The following CREBBP variants were observed in gnomAD, a reference collection of about 807,000 sequenced individuals.
CREBBP encodes CREB binding lysine acetyltransferase, also known as CREB-binding protein.
CREBBP carries 19 observed loss-of-function variants against 265.0 expected under a neutral mutation model. The ratio of observed to expected loss-of-function variants is 0.07; its 90% CI spans 0.05 to 0.11. The LOEUF (loss-of-function observed/expected upper bound fraction) is 0.11. CREBBP is among the 10% of genes least tolerant of loss of function. The pLI is 1.00. For synonymous variants in CREBBP, 1,457 were observed against 1,223.7 expected, an observed-to-expected ratio of 1.19 and a Z score of -3.98; for missense variants, 2,525 against 3,219.0, an observed-to-expected ratio of 0.78 and a Z score of 5.22.
chr16:3,840,156 TATA>T (rs1424467537), intron 2 of CREBBP, among the ~76,000 whole-genome samples: 2 of 152,256 alleles, frequency 1.3e-5, no homozygotes, highest in African/African-American at 4.8e-5. Flanking sequence ...ATATGCTTAA[TATA>T]AAATTCCCTT....
Position 3,850,826 on chromosome 16 carries a change from C to T in CREBBP, c.269G>A (p.Ser90Asn). Reference protein sequence around the residue: ...SSINPGIGNVSASSPVQQGLG... With the variant: ...SSINPGIGNVNASSPVQQGLG... ...GCCCTGCTGCACGGGGCTGCTGGCG[C>T]TCACATTTCCTATTCCTGGGTTGAT... The change falls in exon 2 of 31, where the codon AGC becomes AAC. Residue 90 changes from serine to asparagine, a missense_variant. By Grantham distance (46) the Ser-to-Asn change is conservative (BLOSUM62 1). Coordinates refer to ENST00000262367, the MANE Select transcript of CREBBP (RefSeq NM_004380.3). 1.2e-6 allele frequency: 2 copies of T among 1,614,174 alleles called. No individual in the cohort carries two copies. The highest frequency in any genetic ancestry group is 1.6e-4 in the Middle Eastern group (1 of 6,062).
chr16:3,797,394 T>C (rs2053628914), intron 3 of CREBBP, among the ~76,000 whole-genome samples: 1 of 152,180 alleles, frequency 6.6e-6, no homozygotes, highest in Admixed American at 6.5e-5. Context: ...TCCCCCCTTA[T>C]CCTCAGAGTT....
At chr16:3,736,377 G>T in intron 27 of CREBBP, 174 bp from the exon 28 acceptor site, 1 of 772,084 alleles carries the variant, frequency 1.3e-6, no homozygotes, top group Non-Finnish European at 2.2e-6. Flanking sequence ...CCCCACCACA[G>T]TGCTGGAGCC....
At chr16:3,772,136 T>G (rs999432544) in intron 13 of CREBBP, among the ~76,000 whole-genome samples, 2 of 151,980 alleles carry the variant, frequency 1.3e-5, no homozygotes, top group Non-Finnish European at 2.9e-5. Context: ...TTCTATAACA[T>G]GTACCCAATG....
chr16:3,764,739 A>G (rs146872328), intron 16 of CREBBP, among the ~76,000 whole-genome samples: 1 of 151,422 alleles, frequency 6.6e-6, no homozygotes, highest in Non-Finnish European at 1.5e-5. Flanking sequence ...ATGCACCACC[A>G]CACTTGGCTG....
intron 3 of CREBBP, among the ~76,000 whole-genome samples, chr16:3,802,726 T>C (rs561794727): frequency 6.6e-6 from 1 of 151,982 alleles, no homozygotes; most frequent in African/African-American, 2.4e-5. Context: ...AAGGACAGTG[T>C]CACCCCTCTG....
intron 1 of CREBBP, among the ~76,000 whole-genome samples, chr16:3,862,258 C>A (rs1383709239): frequency 6.6e-6 from 1 of 152,136 alleles, no homozygotes; most frequent in East Asian, 1.9e-4. Flanking sequence ...CTGACAACTC[C>A]AAAGAGGCAG....
rs141692779 is a variant in CREBBP at position 3,829,985 on chromosome 16, C to A, written c.799-19206G>T. The stretch of plus-strand genomic sequence containing the variant: ...AATAAGATGAGAAACCTAAACCCAA[C>A]AATTATCAACATTAAATATAAATAA... On this transcript the variant is annotated intron_variant, in intron 2 of 30. Transcript: ENST00000262367. 5.5e-3 allele frequency among the ~76,000 whole-genome samples: 843 copies of A among 152,264 alleles called. 6 individuals carry two copies. The highest frequency in any genetic ancestry group is 0.018 in the African/African-American group (758 of 41,548).
chr16:3,739,749 A>AT, intron 24 of CREBBP, 25 bp from the exon 25 acceptor site: 4 of 1,614,216 alleles, frequency 2.5e-6, no homozygotes, highest in Non-Finnish European at 3.4e-6. Flanking sequence ...AGAGCCGGAC[A>AT]TTTACAAAGG....
At chr16:3,837,867 A>C (rs1421267476) in intron 2 of CREBBP, among the ~76,000 whole-genome samples, 1 of 152,184 alleles carries the variant, frequency 6.6e-6, no homozygotes, top group East Asian at 1.9e-4. Flanking sequence ...AGTGTTTATA[A>C]AGTCTATAGC....
At chr16:3,749,597 A>C (rs767144004) in intron 21 of CREBBP, 30 bp downstream of exon 21, 1 of 1,536,134 alleles carries the variant, frequency 6.5e-7, no homozygotes, top group African/African-American at 1.4e-5. Flanking sequence ...ACCAAAACTG[A>C]AAGTAAAAAA....
rs748513692 is a variant in CREBBP, at chr16:3,793,474, C to T, written c.1128G>A (p.Glu376=). The T allele has an allele frequency of 5.6e-6, 9 of 1,614,124 alleles. No homozygotes were observed. In the South Asian group the frequency reaches 8.8e-5, roughly 16 times the overall value. The change falls in exon 4 of 31, where the codon GAG becomes GAA. Residue 376 remains glutamate (E), a synonymous_variant. Transcript: ENST00000262367. The part of the protein sequence containing the change: ...KCQRREQANG[E]VRACSLPHCR... ...AATGCGGGAGCGAGCAGGCCCGAAC[C>T]TCTCCGTTTGCTTGCTCTCGTCTCT...
At chr16:3,806,676 C>T (rs923625931) in intron 3 of CREBBP, among the ~76,000 whole-genome samples, 1 of 152,108 alleles carries the variant, frequency 6.6e-6, no homozygotes, top group African/African-American at 2.4e-5. Flanking sequence ...CCAGAAGGAT[C>T]GCCCTTGAAC....
At chr16:3,778,862 T>G in intron 8 of CREBBP, 45 bp from the exon 9 acceptor site, 2 of 1,566,420 alleles carry the variant, frequency 1.3e-6, no homozygotes, top group Non-Finnish European at 1.8e-6. Flanking sequence ...TTTTTCTTCT[T>G]TTTTTTAAAG....
chr16:3,739,357 C>T, intron 25 of CREBBP: 1 of 598,238 alleles, frequency 1.7e-6, no homozygotes, highest in South Asian at 2.0e-5. Context: ...GGGTCCCACA[C>T]AGACTCGCCA....
At chr16:3,827,462 G>A (rs901724819) in intron 2 of CREBBP, among the ~76,000 whole-genome samples, 3 of 152,078 alleles carry the variant, frequency 2.0e-5, no homozygotes, top group Non-Finnish European at 4.4e-5. Flanking sequence ...CGCAATCTCG[G>A]CTCACTGCAA....
At chr16:3,820,092 A>C (rs2054113111) in intron 2 of CREBBP, among the ~76,000 whole-genome samples, 1 of 152,390 alleles carries the variant, frequency 6.6e-6, no homozygotes, top group Admixed American at 6.5e-5. Context: ...ATAATTGAAT[A>C]GCCAGAAATA....
At chr16:3,769,777 G>A (rs62037858) in intron 14 of CREBBP, among the ~76,000 whole-genome samples, 1 of 152,204 alleles carries the variant, frequency 6.6e-6, no homozygotes, top group African/African-American at 2.4e-5. Context: ...TACCCAGCCT[G>A]TGTGAACGGT....
intron 13 of CREBBP, among the ~76,000 whole-genome samples, chr16:3,772,339 AC>A: frequency 6.7e-6 from 1 of 150,008 alleles, no homozygotes; most frequent in Non-Finnish European, 1.5e-5. Flanking sequence ...ACACACACAC[AC>A]ACACACACAC....
Sources: allele counts gnomAD v4.1 joint callset (sites outside exome capture counted in the v4.1 genomes callset), GRCh38; gene constraint gnomAD v4.1.1; transcripts MANE v1.5; gene names NCBI Gene and HGNC (gene_info 2026-07-23, HGNC 2026-07-21).